CHRM3: variants seen among roughly 807,000 people sequenced by gnomAD.
CHRM3 encodes the protein muscarinic acetylcholine receptor M3.
A neutral mutation model predicts 41.8 loss-of-function variants in CHRM3; 11 were observed. The observed-to-expected ratio is 0.26, with a 90% CI of 0.17 to 0.44. The LOEUF is 0.44. Among genes scored for constraint, CHRM3 ranks in the 20% least tolerant of loss-of-function variants. The probability of loss-of-function intolerance (pLI) is 1.00; values close to 1 mark genes in which losing one functional copy is unlikely to be tolerated. For missense variants in CHRM3, 571 were observed against 745.4 expected, an observed-to-expected ratio of 0.77 and a Z score of 2.72; for synonymous variants, 297 against 301.4, an observed-to-expected ratio of 0.99 and a Z score of 0.15.
intron 5 of CHRM3, among the ~76,000 whole-genome samples, chr1:239,739,604 T>C (rs1664670038): frequency 6.6e-6 from 1 of 152,112 alleles, no homozygotes; most frequent in African/African-American, 2.4e-5. Context: ...GCTGGGACAT[T>C]GTATTATTCT....
chr1:239,610,735 T>A (rs1666920491), intron 3 of CHRM3, among the ~76,000 whole-genome samples: 1 of 152,146 alleles, frequency 6.6e-6, no homozygotes, highest in Non-Finnish European at 1.5e-5. Flanking sequence ...TGTGCTTTTG[T>A]AAAACACTCA....
At chr1:239,774,924 T>C (rs899225005) in intron 5 of CHRM3, among the ~76,000 whole-genome samples, 10 of 152,166 alleles carry the variant, frequency 6.6e-5, no homozygotes, top group African/African-American at 2.4e-4. Flanking sequence ...TAAACTTTAG[T>C]ATGCAATAGT....
chr1:239,707,701 A>G (rs1661333706), intron 5 of CHRM3: 2 of 152,218 alleles, frequency 1.3e-5, no homozygotes. Flanking sequence ...TTTGTACTCC[A>G]TAATTCCAGT....
intron 3 of CHRM3, among the ~76,000 whole-genome samples, chr1:239,558,433 A>G (rs1660570630): frequency 6.6e-6 from 1 of 152,184 alleles, no homozygotes; most frequent in Admixed American, 6.6e-5. Flanking sequence ...GGAATAAAAA[A>G]ACTTTCCAAT....
intron 2 of CHRM3, among the ~76,000 whole-genome samples, chr1:239,499,456 T>C (rs2148121857): frequency 6.6e-6 from 1 of 152,284 alleles, no homozygotes; most frequent in South Asian, 2.1e-4. Context: ...ATAAGCAAGA[T>C]TACAAGAAGT....
intron 6 of CHRM3, among the ~76,000 whole-genome samples, chr1:239,854,679 T>G (rs890870442): frequency 3.9e-5 from 6 of 152,124 alleles, no homozygotes; most frequent in Non-Finnish European, 8.8e-5. Context: ...CTGTCACTAT[T>G]ATTTCCAGAG....
At chr1:239,848,377 T>G (rs1355232395) in intron 6 of CHRM3, among the ~76,000 whole-genome samples, 1 of 152,294 alleles carries the variant, frequency 6.6e-6, no homozygotes, top group East Asian at 1.9e-4. Flanking sequence ...TACAATATAC[T>G]TTACTTATTG....
intron 3 of CHRM3, among the ~76,000 whole-genome samples, chr1:239,548,176 G>A (rs1223061037): frequency 1.3e-5 from 2 of 152,152 alleles, no homozygotes; most frequent in African/African-American, 4.8e-5. Context: ...AGTGGTTTTA[G>A]TGGGTGACAT....
chr1:239,460,611 A>G (rs1665286052), intron 1 of CHRM3, among the ~76,000 whole-genome samples: 2 of 152,194 alleles, frequency 1.3e-5, no homozygotes. Context: ...AAATCTACAC[A>G]CCTTCTTCCA....
chr1:239,438,017 C>T (rs1392472438), intron 1 of CHRM3, among the ~76,000 whole-genome samples: 2 of 152,156 alleles, frequency 1.3e-5, no homozygotes, highest in Admixed American at 6.5e-5. Flanking sequence ...TGGTGAAGGT[C>T]ACATGGAAAG....
At chr1:239,702,891 A>G (rs1178896066) in intron 5 of CHRM3, among the ~76,000 whole-genome samples, 1 of 152,246 alleles carries the variant, frequency 6.6e-6, no homozygotes, top group African/African-American at 2.4e-5. Context: ...GATTCATAGT[A>G]TATTTATTTT....
At chr1:239,462,144 C>G (rs967681891) in intron 1 of CHRM3, among the ~76,000 whole-genome samples, 1 of 152,112 alleles carries the variant, frequency 6.6e-6, no homozygotes, top group Non-Finnish European at 1.5e-5. Flanking sequence ...CATAAAATGT[C>G]TAAGTGCTGA....
chr1:239,813,916 C>CAAAAAAAAAAAA (rs67147618), intron 5 of CHRM3, among the ~76,000 whole-genome samples: 3 of 103,220 alleles, frequency 2.9e-5, no homozygotes, highest in Admixed American at 9.8e-5. Context: ...GACTCCGTCT[C>CAAAAAAAAAAAA]AAAAAAAAAA....
intron 5 of CHRM3, among the ~76,000 whole-genome samples, chr1:239,808,043 A>C (rs1039434256): frequency 5.3e-5 from 8 of 152,226 alleles, no homozygotes; most frequent in African/African-American, 1.9e-4. Context: ...ATATTCCAAA[A>C]TTCCTTGGAA....
At chr1:239,881,247 C>T (rs1391009228) in intron 6 of CHRM3, among the ~76,000 whole-genome samples, 2 of 129,274 alleles carry the variant, frequency 1.5e-5, no homozygotes, top group Non-Finnish European at 3.2e-5. Context: ...CCCGCCCCTG[C>T]ACTCCAGCCT....
chr1:239,458,476 G>T (rs1665119529), intron 1 of CHRM3, among the ~76,000 whole-genome samples: 1 of 152,094 alleles, frequency 6.6e-6, no homozygotes. Context: ...GAAATATATT[G>T]CTTATACCAA....
intron 3 of CHRM3, among the ~76,000 whole-genome samples, chr1:239,631,770 G>A (rs891482134): frequency 6.6e-6 from 1 of 152,156 alleles, no homozygotes; most frequent in African/African-American, 2.4e-5. Flanking sequence ...CACTGTATGT[G>A]TATATTTCGA....
intron 3 of CHRM3, among the ~76,000 whole-genome samples, chr1:239,617,663 G>T (rs1667780122): frequency 6.6e-6 from 1 of 152,146 alleles, no homozygotes. Flanking sequence ...CAGTCCAGGG[G>T]TTCTAGGCTG....
chr1:239,543,963 T>G (rs1424252131), intron 2 of CHRM3, among the ~76,000 whole-genome samples: 1 of 152,196 alleles, frequency 6.6e-6, no homozygotes, highest in Non-Finnish European at 1.5e-5. Flanking sequence ...CAATAAAACT[T>G]TATTTATAGA....
Sources: allele counts gnomAD v4.1 joint callset (sites outside exome capture counted in the v4.1 genomes callset), GRCh38; gene constraint gnomAD v4.1.1; transcripts MANE v1.5; gene names NCBI Gene and HGNC (gene_info 2026-07-23, HGNC 2026-07-21).